Variants in TMEM71 observed in about 807,000 individuals in gnomAD.
TMEM71 encodes transmembrane protein 71.
TMEM71 carries 44 observed loss-of-function variants against 38.0 expected under a neutral mutation model. The observed-to-expected ratio is 1.16, with a 90% confidence interval of 0.91 to 1.49. TMEM71 has a LOEUF of 1.49. Among genes scored for constraint, TMEM71 ranks in the 40% most tolerant of loss-of-function variants. TMEM71 has a pLI of 0.00. For synonymous variants in TMEM71, 133 were observed against 122.5 expected, an observed-to-expected ratio of 1.09 and a Z score of -0.56; for missense variants, 367 against 348.6, an observed-to-expected ratio of 1.05 and a Z score of -0.42.
intron 7 of TMEM71, among the ~76,000 whole-genome samples, chr8:132,717,205 A>T (rs1826579525): frequency 6.6e-6 from 1 of 152,256 alleles, no homozygotes; most frequent in Non-Finnish European, 1.5e-5. Flanking sequence ...CACCAAAAGC[A>T]CAGACCACAA....
At chr8:132,707,195 C>T (rs141961847), downstream of TMEM71, among the ~76,000 whole-genome samples, 2,668 of 152,216 alleles carry the variant, frequency 0.018, 43 homozygotes, top group Non-Finnish European at 0.025. Context: ...CAGAGCTATA[C>T]TATAGTATTT....
chr8:132,770,706 T>G, the TMEM71 span, among the ~76,000 whole-genome samples: 3 of 152,214 alleles, frequency 2.0e-5, no homozygotes, highest in African/African-American at 4.8e-5. Context: ...ATTCCCTTTT[T>G]GCTTAAGCCT....
At chr8:132,728,066 GCA>G in intron 5 of TMEM71, 80 bp from the exon 6 acceptor site, 1 of 1,086,808 alleles carries the variant, frequency 9.2e-7, no homozygotes. Context: ...ACTGCTCAAT[GCA>G]CAGTTAGTTC....
intron 6 of TMEM71, among the ~76,000 whole-genome samples, chr8:132,722,723 T>C (rs1336057817): frequency 6.6e-6 from 1 of 152,220 alleles, no homozygotes; most frequent in Non-Finnish European, 1.5e-5. Flanking sequence ...CTTTGCATAA[T>C]GGAAGTCTCT....
At chr8:132,747,464 A>G (rs1009291656) in intron 4 of TMEM71, among the ~76,000 whole-genome samples, 6 of 152,266 alleles carry the variant, frequency 3.9e-5, no homozygotes, top group Non-Finnish European at 1.5e-5. Context: ...TGTATGAAAT[A>G]GATACTATTA....
chr8:132,775,403 C>T, the TMEM71 span: 11 of 381,638 alleles, frequency 2.9e-5, no homozygotes, highest in African/African-American at 1.9e-4. Context: ...TGGCCGGCGG[C>T]GGAGGCGGCG....
At chr8:132,757,362 T>G in intron 2 of TMEM71, 68 bp from the exon 3 acceptor site, 5 of 1,139,896 alleles carry the variant, frequency 4.4e-6, no homozygotes, top group Non-Finnish European at 6.6e-6. Context: ...TGTTGATACA[T>G]GTATCAATAT....
At chr8:132,755,043 C>G (rs190983952) in intron 3 of TMEM71, among the ~76,000 whole-genome samples, 3 of 152,266 alleles carry the variant, frequency 2.0e-5, no homozygotes, top group Admixed American at 1.3e-4. Flanking sequence ...TACTCTAGTG[C>G]TCTTTCTTCT....
chr8:132,711,353 A>T (rs1437158055), intron 9 of TMEM71, among the ~76,000 whole-genome samples: 1 of 152,182 alleles, frequency 6.6e-6, no homozygotes, highest in Non-Finnish European at 1.5e-5. Context: ...GGTAATCATG[A>T]TCCTCAAGAA....
chr8:132,751,998 CTA>C lies in TMEM71; in HGVS notation c.102-3_102-2del. ...ACCATCCAGGGAATCACAGGTGAAA[CTA>C]AGAAGGAAAAGATAACGCACTTTAA... On this transcript the variant is annotated splice_acceptor_variant and splice_polypyrimidine_tract_variant and intron_variant, in intron 3 of 9. Transcript: ENST00000677595. LOFTEE classifies it high-confidence loss of function. The C allele has an allele frequency of 6.2e-7, 1 of 1,613,710 alleles. No individual in the cohort carries two copies. The highest frequency in any genetic ancestry group is 8.5e-7 in the Non-Finnish European group (1 of 1,179,756).
chr8:132,727,670 A>G (rs908651776), intron 6 of TMEM71, 128 bp downstream of exon 6: 2 of 759,012 alleles, frequency 2.6e-6, no homozygotes, highest in African/African-American at 1.8e-5. Flanking sequence ...CAGAGGCCCC[A>G]TGTCCTCCCT....
At chr8:132,723,538 C>T (rs1364437011) in intron 6 of TMEM71, among the ~76,000 whole-genome samples, 2 of 152,180 alleles carry the variant, frequency 1.3e-5, no homozygotes, top group Non-Finnish European at 2.9e-5. Context: ...CTCCTTGGCC[C>T]TTAGCTGCTC....
chr8:132,711,084 AC>A, intron 9 of TMEM71, 102 bp from the exon 10 acceptor site: 2 of 1,033,492 alleles, frequency 1.9e-6, no homozygotes, highest in East Asian at 5.1e-5. Flanking sequence ...ATAAGCACAC[AC>A]CCACACCCAT....
chr8:132,720,453 T>C (rs971793212), intron 7 of TMEM71, among the ~76,000 whole-genome samples: 2 of 152,248 alleles, frequency 1.3e-5, no homozygotes, highest in East Asian at 1.9e-4. Flanking sequence ...ATTTCACTGA[T>C]TATTATACTA....
intron 5 of TMEM71, among the ~76,000 whole-genome samples, chr8:132,731,000 G>T (rs1827425000): frequency 6.6e-6 from 1 of 152,152 alleles, no homozygotes; most frequent in Non-Finnish European, 1.5e-5. Context: ...AAAAAGAGAT[G>T]AAATATGGTT....
At chr8:132,756,769 T>A (rs922561189) in intron 3 of TMEM71, among the ~76,000 whole-genome samples, 2 of 151,788 alleles carry the variant, frequency 1.3e-5, no homozygotes, top group Non-Finnish European at 2.9e-5. Flanking sequence ...GTATTTTTAG[T>A]AGAGACAAGG....
At chr8:132,712,307 A>G (rs1826278326) in intron 9 of TMEM71, among the ~76,000 whole-genome samples, 1 of 152,208 alleles carries the variant, frequency 6.6e-6, no homozygotes, top group Admixed American at 6.5e-5. Flanking sequence ...TAAATGAGTC[A>G]GAAGATAAAA....
At chr8:132,717,773 T>A (rs1012689893) in intron 7 of TMEM71, among the ~76,000 whole-genome samples, 3 of 152,196 alleles carry the variant, frequency 2.0e-5, no homozygotes, top group African/African-American at 7.2e-5. Context: ...AAACTGTATG[T>A]CCATACAAAA....
At chr8:132,752,078 G>T in intron 3 of TMEM71, 81 bp from the exon 4 acceptor site, 1 of 1,123,078 alleles carries the variant, frequency 8.9e-7, no homozygotes, top group Non-Finnish European at 1.3e-6. Flanking sequence ...TCACTGTGAA[G>T]GAAAATAACA....
Sources: gnomAD v4.1 joint callset for allele counts (sites outside exome capture counted in the v4.1 genomes callset) on GRCh38, gnomAD v4.1.1 for gene constraint, MANE v1.5 for transcripts, NCBI Gene and HGNC (gene_info 2026-07-23, HGNC 2026-07-21) for gene names.